Variants in LRP1 observed in about 807,000 individuals in gnomAD.
LRP1 encodes the protein prolow-density lipoprotein receptor-related protein 1.
Under a neutral mutation model 541.5 loss-of-function variants are expected in LRP1, and 51 were observed. The ratio of observed to expected loss-of-function variants is 0.09; its 90% CI spans 0.08 to 0.12. LRP1 has a LOEUF of 0.12. Ranked by LOEUF, LRP1 falls within the 10% of genes least tolerant of loss-of-function variation. The pLI is 1.00. For missense variants in LRP1, 3,878 were observed against 6,376.2 expected (o/e 0.61, Z 13.34); for synonymous variants, 2,219 against 2,470.8 (o/e 0.90, Z 3.02).
Position 57,194,681 on chromosome 12 carries a change from G to A in LRP1, c.8173G>A (p.Glu2725Lys), listed in dbSNP as rs987146512. The A allele has an allele frequency of 1.9e-6, 3 of 1,579,898 alleles. No homozygotes were observed. Among genetic ancestry groups the A allele is most frequent in the Non-Finnish European group, 2.6e-6 (3 of 1,163,142 alleles). Residue 2725 changes from glutamate (E) to lysine (K), a missense_variant, in exon 50 of 89, where the codon GAG becomes AAG. By Grantham distance (56) the Glu-to-Lys change is moderately conservative (BLOSUM62 1). Transcript: ENST00000243077. ...CDKEDDCEHG[E>K]DETHCNKFCS... ...CAAAGAGGATGACTGTGAACATGGC[G>A]AGGACGAGACCCACTGCAGTGAGTG...
chr12:57,153,202 T>G (rs1048958087), intron 6 of LRP1, among the ~76,000 whole-genome samples: 1 of 152,052 alleles, frequency 6.6e-6, no homozygotes, highest in African/African-American at 2.4e-5. Flanking sequence ...ATGGTGGTAG[T>G]TGAAGGGGGT....
At chr12:57,145,598 G>A in intron 6 of LRP1, 108 bp downstream of exon 6, 1 of 1,395,390 alleles carries the variant, frequency 7.2e-7, no homozygotes. Flanking sequence ...GTCCTGTCTG[G>A]GGCAGGAGAA....
At chr12:57,176,149 C>T in intron 24 of LRP1, 43 bp downstream of exon 24, 2 of 1,601,238 alleles carry the variant, frequency 1.2e-6, no homozygotes, top group South Asian at 1.1e-5. Flanking sequence ...ACAGGCGGAG[C>T]GCTCAGGCGC....
Position 57,208,108 on chromosome 12 carries a change from C to T in LRP1, c.11930C>T (p.Ser3977Leu), listed in dbSNP as rs142650905. ...GCCGGAAACGTGTACTGGACCGACT[C>T]GGGCCGAGATGTGATTGAGGTGGCG... is the stretch of plus-strand genomic sequence containing the variant. Reference protein sequence around the residue: ...WVAGNVYWTDSGRDVIEVAQM... With the variant: ...WVAGNVYWTDLGRDVIEVAQM... Residue 3977 changes from serine to leucine, a missense_variant, in exon 77 of 89, where the codon TCG becomes TTG. By Grantham distance (145) the Ser-to-Leu change is moderately radical. Coordinates refer to ENST00000243077, the MANE Select transcript of LRP1 (RefSeq NM_002332.3). 8.3e-4 allele frequency: 1,337 copies of T among 1,614,188 alleles called. 3 individuals carry two copies. Among genetic ancestry groups the T allele is most frequent in the Non-Finnish European group, 1.0e-3 (1,235 of 1,180,030 alleles).
Position 57,211,971 on chromosome 12 carries a change from G to A in LRP1, c.13303G>A (p.Val4435Ile). 1 of 1,614,154 alleles carries A rather than the reference G, an allele frequency of 6.2e-7. No homozygotes were observed. Among genetic ancestry groups the A allele is most frequent in the Middle Eastern group, 1.6e-4 (1 of 6,062 alleles). Residue 4435 changes from valine to isoleucine, a missense_variant, in exon 87 of 89, where the codon GTT becomes ATT. This residue lies in a region of LRP1 where 871 missense variants were observed against 1,212.4 expected (regional missense o/e 0.72). Transcript: ENST00000243077. The surrounding 1 kb of genome is among the most constrained non-coding windows in gnomAD (Gnocchi z 4.3). ...LIPLLLLLLL[V>I]LVAGVVFWYK... is the part of the protein sequence containing the mutation. ...CCCTCTGCTGTTGCTGCTGCTGCTG[G>A]TTCTGGTGGCCGGAGTGGTATTCTG...
chr12:57,202,541 C>CGG lies in LRP1; in HGVS notation c.10711+5_10711+6insGG. ...AACTCCGATGAAGAGAGCTGCAGTA[C>CGG]GTCCCCACCCACCCAGCCCCGCATG... On this transcript the variant is annotated splice_donor_region_variant and intron_variant, in intron 68 of 88. Transcript: ENST00000243077. 6.4e-7 allele frequency: 1 copy of CGG among 1,562,844 alleles called. No homozygotes were observed. The highest frequency in any genetic ancestry group is 2.4e-5 in the East Asian group (1 of 42,364).
intron 68 of LRP1, 100 bp downstream of exon 68, chr12:57,202,637 T>G: frequency 3.3e-6 from 3 of 909,572 alleles, no homozygotes; most frequent in Non-Finnish European, 5.0e-6. Flanking sequence ...GGTGGCCACC[T>G]CCCAGGGTGG....
Position 57,203,275 on chromosome 12 carries a change from C to A in LRP1, c.10806C>A (p.Asp3602Glu). The A allele has an allele frequency of 6.2e-7, 1 of 1,606,184 alleles. No individual in the cohort carries two copies. The highest frequency in any genetic ancestry group is 8.5e-7 in the Non-Finnish European group (1 of 1,174,622). ...WKCDGDHDCADGSDEKDCTPR... is the reference protein window; with the variant it reads ...WKCDGDHDCAEGSDEKDCTPR... ...GCGATGGAGACCACGACTGCGCGGA[C>A]GGCTCGGACGAGGTGGGCAGGGAGA... is the stretch of plus-strand genomic sequence containing the variant. The change falls in exon 69 of 89, where the codon GAC becomes GAA. Residue 3602 changes from aspartate to glutamate, a missense_variant. Physicochemically the swap from Asp to Glu is conservative, Grantham distance 45. Coordinates refer to ENST00000243077, the MANE Select transcript of LRP1 (RefSeq NM_002332.3).
At chr12:57,167,198 A>G in intron 18 of LRP1, 152 bp downstream of exon 18, 2 of 697,526 alleles carry the variant, frequency 2.9e-6, no homozygotes, top group Non-Finnish European at 5.1e-6. Context: ...GGAGAGCCCC[A>G]TCATCACAGC....
At position 57,162,875 on chromosome 12, in the gene LRP1, C is replaced by T. The variant is rs2035764460; in HGVS notation, c.2422C>T (p.Arg808Trp). Residue 808 changes from arginine (R) to tryptophan (W), a missense_variant, in exon 15 of 89, where the codon CGG (arginine) becomes TGG (tryptophan). This residue lies in a region of LRP1 where 496 missense variants were observed against 861.0 expected (regional missense o/e 0.58). Coordinates refer to ENST00000243077, the MANE Select transcript of LRP1 (RefSeq NM_002332.3). This position sits in a 1 kb window ranked among gnomAD's most constrained non-coding sequence, Gnocchi z 5.2. ...QQQQVGTNKC[R>W]VNNGGCSSLC... ...CCCCACAGTTGGCACCAACAAATGC[C>T]GGGTGAACAATGGCGGCTGCAGCAG... 5.0e-6 allele frequency: 8 copies of T among 1,609,896 alleles called. No homozygotes were observed. Among genetic ancestry groups the T allele is most frequent in the South Asian group, 1.1e-5 (1 of 90,060 alleles).
chr12:57,179,535 G>A lies in LRP1; in HGVS notation c.4945G>A (p.Val1649Met), dbSNP rs756702192. 1.2e-5 allele frequency: 20 copies of A among 1,613,918 alleles called. No individual in the cohort carries two copies. Among genetic ancestry groups the A allele is most frequent in the Admixed American group, 1.7e-5 (1 of 59,998 alleles). ...IKRAFINGTG[V>M]ETVVSADLPN... is the part of the protein sequence containing the mutation. The stretch of plus-strand genomic sequence containing the variant: ...GCGGGCCTTCATCAACGGCACAGGC[G>A]TGGAGACAGTCGTCTCTGCAGGTTC... Residue 1649 changes from valine to methionine, a missense_variant, in exon 29 of 89, where the codon GTG becomes ATG. Transcript: ENST00000243077. The surrounding 1 kb of genome is among the most constrained non-coding windows in gnomAD (Gnocchi z 6.8).
At chr12:57,163,619 A>G (rs771579310) in intron 15 of LRP1, among the ~76,000 whole-genome samples, 2 of 151,976 alleles carry the variant, frequency 1.3e-5, no homozygotes, top group African/African-American at 4.8e-5. Context: ...CATATAATAT[A>G]TATGTTGGAA....
rs757577718 is a variant in LRP1, at chr12:57,193,991, G to A, written c.7897G>A (p.Ala2633Thr). 2.2e-5 allele frequency: 35 copies of A among 1,614,150 alleles called. No homozygotes were observed. In the East Asian group the frequency reaches 4.9e-4, roughly 23 times the overall value. ...RCNQFVDCED[A>T]SDEMNCSATD... is the part of the protein sequence containing the mutation. ...CAACCAGTTTGTGGATTGTGAGGAC[G>A]CCTCAGATGAGATGAACTGCAGTGA... The change falls in exon 48 of 89, where the codon GCC (alanine) becomes ACC (threonine). Residue 2633 changes from alanine (A) to threonine (T), a missense_variant. Transcript: ENST00000243077.
intron 15 of LRP1, 125 bp downstream of exon 15, chr12:57,163,108 G>A (rs1007219554): frequency 7.4e-6 from 10 of 1,358,150 alleles, no homozygotes; most frequent in Non-Finnish European, 9.7e-6. Context: ...CCCTTAGGGG[G>A]CCAACAGGAA....
chr12:57,165,819 G>A lies in LRP1; in HGVS notation c.2545G>A (p.Val849Met), dbSNP rs779570780. ...GGTGCCCACAGCGAACCCATCCTAC[G>A]TGCCTCCACCCCAGTGCCAGCCAGG... ...GVTCLANPSY[V>M]PPPQCQPGEF... The change falls in exon 16 of 89, where the codon GTG (valine) becomes ATG (methionine). Residue 849 changes from valine (V) to methionine (M), a missense_variant. Transcript: ENST00000243077. The surrounding 1 kb of genome is among the most constrained non-coding windows in gnomAD (Gnocchi z 4.5). 6.2e-6 allele frequency: 10 copies of A among 1,614,186 alleles called. No homozygotes were observed. The highest frequency in any genetic ancestry group is 1.1e-5 in the South Asian group (1 of 91,088).
At chr12:57,160,800 G>A in intron 12 of LRP1, 93 bp from the exon 13 acceptor site, 1 of 878,490 alleles carries the variant, frequency 1.1e-6, no homozygotes, top group South Asian at 1.5e-5. Flanking sequence ...ACCCCTGTGA[G>A]GAGCTCTGGG....
chr12:57,165,755 C>T lies in LRP1; in HGVS notation c.2531-50C>T. On this transcript the variant is annotated intron_variant, in intron 15 of 88. Coordinates refer to ENST00000243077, the MANE Select transcript of LRP1 (RefSeq NM_002332.3). The surrounding 1 kb of genome is among the most constrained non-coding windows in gnomAD (Gnocchi z 4.5). ...ATGGTGCAAAGGGCTTAGTACTTGT[C>T]CCACGACCGGGGTCTGACTTTCCCC... 6.3e-7 allele frequency: 1 copy of T among 1,591,648 alleles called. No homozygotes were observed. The highest frequency in any genetic ancestry group is 8.6e-7 in the Non-Finnish European group (1 of 1,161,514).
chr12:57,144,808 C>T, intron 4 of LRP1, 164 bp from the exon 5 acceptor site: 1 of 681,508 alleles, frequency 1.5e-6, no homozygotes, highest in South Asian at 1.7e-5. Flanking sequence ...CAAGACTGGA[C>T]TTGCTGGGTG....
rs7308552 is a variant in LRP1, at chr12:57,196,952, T to C, written c.8893-30T>C. On this transcript the variant is annotated intron_variant, in intron 55 of 88. Transcript: ENST00000243077. ...GGTGGGAGGCCCAGACCCTGCCACA[T>C]GCCCAGCCCAAGGCTCCCTGTGCCT... 1 allele frequency: 1,579,994 copies of C among 1,584,406 alleles called. 787,893 individuals carry two copies. Among genetic ancestry groups the C allele is most frequent in the East Asian group, 1 (43,626 of 43,628 alleles).
Sources: allele counts gnomAD v4.1 joint callset (sites outside exome capture counted in the v4.1 genomes callset), GRCh38; gene constraint gnomAD v4.1.1; regional missense constraint gnomAD v4.1.1; non-coding constraint Gnocchi (gnomAD v3.1); transcripts MANE v1.5; gene names NCBI Gene and HGNC (gene_info 2026-07-23, HGNC 2026-07-21).